LOXHD1: variants seen among roughly 807,000 people sequenced by gnomAD.
LOXHD1 encodes the protein lipoxygenase homology PLAT domains 1, also known as lipoxygenase homology domain-containing protein 1.
Under a neutral mutation model 248.2 loss-of-function variants are expected in LOXHD1, and 205 were observed. The observed-to-expected ratio is 0.83, with a 90% CI of 0.74 to 0.93. LOXHD1 has a LOEUF of 0.93. Ranked by LOEUF, LOXHD1 falls within the 40% of genes least tolerant of loss-of-function variation. The pLI, the probability that LOXHD1 is intolerant of heterozygous loss-of-function variation, is 0.00. For synonymous variants in LOXHD1, 1,113 were observed against 1,162.8 expected (o/e 0.96, Z 0.87); for missense variants, 2,930 against 2,971.6 (o/e 0.99, Z 0.33).
At position 46,592,300 on chromosome 18, in the gene LOXHD1, T is replaced by C. The variant is rs572013252; in HGVS notation, c.1518+198A>G. Among the ~76,000 whole-genome samples, 3 of 152,292 alleles carry C rather than the reference T, an allele frequency of 2.0e-5. No individual in the cohort carries two copies. The East Asian group carries it at 5.8e-4, about 29-fold the overall frequency. Reference sequence around the variant, plus strand: ...GCAAGCCCCCCAAACACCTGAGCGTTTTCTTAATCTACTTCGGAAGTCTCT... The same window carrying C: ...GCAAGCCCCCCAAACACCTGAGCGTCTTCTTAATCTACTTCGGAAGTCTCT... On this transcript the variant is annotated intron_variant, in intron 11 of 40. Coordinates refer to ENST00000642948, the MANE Select transcript of LOXHD1 (RefSeq NM_001384474.1).
chr18:46,565,119 C>T (rs1386208312), intron 17 of LOXHD1, among the ~76,000 whole-genome samples: 2 of 151,996 alleles, frequency 1.3e-5, no homozygotes, highest in African/African-American at 2.4e-5. Flanking sequence ...CAAAAATTAG[C>T]CGGGTGTGGG....
chr18:46,546,176 A>G (rs986176026), intron 22 of LOXHD1, among the ~76,000 whole-genome samples: 6 of 149,190 alleles, frequency 4.0e-5, no homozygotes, highest in Non-Finnish European at 7.5e-5. Flanking sequence ...GGAGCATCAT[A>G]GAACTCTTGA....
At chr18:46,532,698 C>A (rs2036126422) in intron 28 of LOXHD1, among the ~76,000 whole-genome samples, 2 of 152,196 alleles carry the variant, frequency 1.3e-5, no homozygotes, top group African/African-American at 4.8e-5. Flanking sequence ...TGCCAAACTA[C>A]TGAGAACAAA....
rs774115674 is a variant in LOXHD1, at chr18:46,600,676, T to TC, written c.1134+540_1134+541insG. 1.7e-3 allele frequency among the ~76,000 whole-genome samples: 254 copies of TC among 152,144 alleles called. 3 individuals are homozygous for TC. The highest frequency in any genetic ancestry group is 6.8e-3 in the Middle Eastern group (2 of 294). ...GCCAGTTACAAACAATACAAGCTTA[T>TC]ACATAGACAAAATTCATAATAGTAT... On this transcript the variant is annotated intron_variant, in intron 8 of 40. Transcript: ENST00000642948.
chr18:46,575,556 G>T (rs1292913054), intron 14 of LOXHD1, among the ~76,000 whole-genome samples: 1 of 152,176 alleles, frequency 6.6e-6, no homozygotes, highest in Non-Finnish European at 1.5e-5. Context: ...GATATATATA[G>T]AGGAAGATGC....
chr18:46,653,395 A>T (rs2039137552), intron 1 of LOXHD1, among the ~76,000 whole-genome samples: 4 of 152,264 alleles, frequency 2.6e-5, no homozygotes. Flanking sequence ...AGGCATGTGC[A>T]TATGTAAACG....
chr18:46,606,530 G>A (rs1430091417), intron 6 of LOXHD1, among the ~76,000 whole-genome samples: 1 of 152,140 alleles, frequency 6.6e-6, no homozygotes, highest in Non-Finnish European at 1.5e-5. Context: ...ATTATTGACT[G>A]ATACTGTGTA....
intron 17 of LOXHD1, among the ~76,000 whole-genome samples, chr18:46,565,610 G>A (rs527539724): frequency 1.7e-3 from 266 of 152,298 alleles, no homozygotes; most frequent in Middle Eastern, 3.4e-3. Context: ...ACCCGAATCT[G>A]AGGATGCTCA....
chr18:46,505,951 T>C lies in LOXHD1; in HGVS notation c.5765A>G (p.Lys1922Arg). ...AAACTTGTTCCAGTTTGCCGACTGC[T>C]TCAGGGCCAGTGTCCCACTATCCCC... ...ENGDSGTLAL[K>R]QSANWNKFER... The change falls in exon 37 of 41, where the codon AAG becomes AGG. Residue 1922 changes from lysine to arginine, a missense_variant. Transcript: ENST00000642948. The C allele has an allele frequency of 1.3e-6, 2 of 1,552,164 alleles. No homozygotes were observed. The highest frequency in any genetic ancestry group is 8.7e-7 in the Non-Finnish European group (1 of 1,147,100).
At position 46,594,611 on chromosome 18, in the gene LOXHD1, T is replaced by C. The variant is rs940463421; in HGVS notation, c.1135-145A>G. 5.2e-6 allele frequency: 5 copies of C among 962,642 alleles called. No homozygotes were observed. In the Admixed American group the frequency reaches 1.4e-4, roughly 26 times the overall value. 59.6% of individuals were successfully genotyped at this position (962,642 alleles called of 1,614,324 possible). A position where few individuals can be genotyped will look rare whatever the true frequency, so the allele number is the denominator to read the frequency against. On this transcript the variant is annotated intron_variant, in intron 8 of 40. Coordinates refer to ENST00000642948, the MANE Select transcript of LOXHD1 (RefSeq NM_001384474.1). Reference sequence around the variant, plus strand: ...GGCACCTTTTCTGTTGCCTATCTCATTAAATCTTAAATCAAGAAATGCAAC... The same window carrying C: ...GGCACCTTTTCTGTTGCCTATCTCACTAAATCTTAAATCAAGAAATGCAAC...
intron 37 of LOXHD1, among the ~76,000 whole-genome samples, chr18:46,505,105 T>C (rs185705574): frequency 2.6e-5 from 4 of 152,338 alleles, no homozygotes; most frequent in Admixed American, 2.0e-4. Context: ...ACTTGGTTTA[T>C]ATCCTATTTC....
intron 4 of LOXHD1, among the ~76,000 whole-genome samples, chr18:46,633,542 ATCT>A (rs1165726213): frequency 6.6e-6 from 1 of 152,210 alleles, no homozygotes; most frequent in African/African-American, 2.4e-5. Flanking sequence ...TGGGAGAAAA[ATCT>A]TCATGACATT....
At chr18:46,623,988 G>A (rs563809545) in intron 4 of LOXHD1, among the ~76,000 whole-genome samples, 2 of 152,224 alleles carry the variant, frequency 1.3e-5, no homozygotes, top group South Asian at 2.1e-4. Flanking sequence ...GACCCAGTGC[G>A]ATCTGAACCT....
chr18:46,564,129 C>T (rs558462376), intron 17 of LOXHD1, among the ~76,000 whole-genome samples: 6 of 151,834 alleles, frequency 4.0e-5, no homozygotes, highest in African/African-American at 7.3e-5. Flanking sequence ...CACGCACACA[C>T]GCACACATGA....
chr18:46,558,062 G>T, intron 20 of LOXHD1: 3 of 986,262 alleles, frequency 3.0e-6, no homozygotes, highest in Non-Finnish European at 3.6e-6. Context: ...GAACCTATAA[G>T]TAAATGGGGC....
At position 46,613,371 on chromosome 18, in the gene LOXHD1, G is replaced by A. The variant is rs376719764; in HGVS notation, c.611-2447C>T. Reference sequence around the variant, plus strand: ...TAATATATTTTTAAATTAAATGTTTGCATTACTAATTTTTATTACTTTTTG... The same window carrying A: ...TAATATATTTTTAAATTAAATGTTTACATTACTAATTTTTATTACTTTTTG... On this transcript the variant is annotated intron_variant, in intron 5 of 40. Coordinates refer to ENST00000642948, the MANE Select transcript of LOXHD1 (RefSeq NM_001384474.1). Among the ~76,000 whole-genome samples the A allele has an allele frequency of 3.9e-5, 6 of 152,016 alleles. No individual in the cohort carries two copies. The East Asian group carries it at 9.6e-4, about 24-fold the overall frequency.
At chr18:46,521,425 T>C (rs1568131804) in intron 32 of LOXHD1, 143 bp from the exon 33 acceptor site, 1 of 914,924 alleles carries the variant, frequency 1.1e-6, no homozygotes, top group East Asian at 2.6e-5. Flanking sequence ...GTGAAGAGAT[T>C]TTGCAGATAT....
intron 1 of LOXHD1, among the ~76,000 whole-genome samples, chr18:46,651,550 G>A (rs867492473): frequency 1.3e-5 from 2 of 152,034 alleles, no homozygotes; most frequent in African/African-American, 4.8e-5. Context: ...TTGGTTTGGA[G>A]AAAAGGAGAG....
intron 39 of LOXHD1, 150 bp from the exon 40 acceptor site, chr18:46,483,895 G>C (rs2032807117): frequency 1.1e-6 from 1 of 910,014 alleles, no homozygotes; most frequent in African/African-American, 1.7e-5. Flanking sequence ...GAGGCTTTGA[G>C]GGGTTCAGTT....
Sources: gnomAD v4.1 joint callset for allele counts (sites outside exome capture counted in the v4.1 genomes callset) on GRCh38, gnomAD v4.1.1 for gene constraint, MANE v1.5 for transcripts, NCBI Gene and HGNC (gene_info 2026-07-23, HGNC 2026-07-21) for gene names.